SPIDR: variants seen among roughly 807,000 people sequenced by gnomAD.
SPIDR encodes DNA repair-scaffolding protein.
A neutral mutation model predicts 104.6 loss-of-function variants in SPIDR; 93 were observed. That is an observed-to-expected ratio of 0.89 (90% CI 0.75 to 1.06). SPIDR has a LOEUF of 1.06. Among genes scored for constraint, SPIDR ranks in the 50% least tolerant of loss-of-function variants. The pLI is 0.00. For missense variants in SPIDR, 1,154 were observed against 1,111.2 expected (o/e 1.04, Z -0.55); for synonymous variants, 431 against 416.9 (o/e 1.03, Z -0.41).
chr8:47,392,495 A>G (rs1178014238), intron 5 of SPIDR, among the ~76,000 whole-genome samples: 2 of 152,250 alleles, frequency 1.3e-5, no homozygotes, highest in Non-Finnish European at 2.9e-5. Flanking sequence ...CTAACATAGC[A>G]TGTGGGTAGT....
rs149515095 is a variant in SPIDR at position 47,496,171 on chromosome 8, A to G, written c.1097+55629A>G. ...TTTTACTTCTTGCTTTTCAATCAGGATGCCTTTATTTATTCCCCCCTTGCC... is the reference window on the plus strand; with the variant it reads ...TTTTACTTCTTGCTTTTCAATCAGGGTGCCTTTATTTATTCCCCCCTTGCC... On this transcript the variant is annotated intron_variant, in intron 8 of 19. Coordinates refer to ENST00000297423, the MANE Select transcript of SPIDR (RefSeq NM_001080394.4). Among the ~76,000 whole-genome samples, 9 of 152,216 alleles carry G rather than the reference A, an allele frequency of 5.9e-5. No homozygotes were observed. The East Asian group carries it at 1.7e-3, about 29-fold the overall frequency.
At chr8:47,572,845 A>G (rs2058692282) in intron 8 of SPIDR, among the ~76,000 whole-genome samples, 1 of 152,138 alleles carries the variant, frequency 6.6e-6, no homozygotes, top group South Asian at 2.1e-4. Flanking sequence ...CCACACATTG[A>G]CACAGCATCT....
At chr8:47,384,551 A>G (rs1299917071) in intron 5 of SPIDR, among the ~76,000 whole-genome samples, 4 of 152,208 alleles carry the variant, frequency 2.6e-5, no homozygotes, top group Admixed American at 2.0e-4. Context: ...CAAACATTTT[A>G]CAATTAGGAA....
chr8:47,396,473 A>G lies in SPIDR; in HGVS notation c.623A>G (p.Tyr208Cys). The G allele has an allele frequency of 6.2e-7, 1 of 1,614,144 alleles. No homozygotes were observed. Among genetic ancestry groups the G allele is most frequent in the Non-Finnish European group, 8.5e-7 (1 of 1,180,014 alleles). The change falls in exon 6 of 20, where the codon TAC (tyrosine) becomes TGC (cysteine). Residue 208 changes from tyrosine (Y) to cysteine (C), a missense_variant. By Grantham distance (194) the Tyr-to-Cys change is radical. Coordinates refer to ENST00000297423, the MANE Select transcript of SPIDR (RefSeq NM_001080394.4). ...LLIDSESPHK[Y>C]HVQFASDARQ... ...ATTGATTCAGAATCCCCTCACAAATACCACGTGCAGTTTGCATCGGATGCA... is the reference window on the plus strand; with the variant it reads ...ATTGATTCAGAATCCCCTCACAAATGCCACGTGCAGTTTGCATCGGATGCA...
chr8:47,306,869 A>G (rs1386656841), intron 5 of SPIDR, among the ~76,000 whole-genome samples: 1 of 151,994 alleles, frequency 6.6e-6, no homozygotes, highest in African/African-American at 2.4e-5. Context: ...ACCTTTTTTG[A>G]TTTAGACTGT....
At chr8:47,606,718 A>G (rs2154428997) in intron 10 of SPIDR, among the ~76,000 whole-genome samples, 1 of 152,204 alleles carries the variant, frequency 6.6e-6, no homozygotes, top group East Asian at 1.9e-4. Context: ...TCCTTTTGAA[A>G]AGCTGGTCAG....
At chr8:47,354,649 A>AT (rs1259355199) in intron 5 of SPIDR, among the ~76,000 whole-genome samples, 7 of 150,702 alleles carry the variant, frequency 4.6e-5, no homozygotes, top group African/African-American at 1.5e-4. Context: ...TAAATTTTTT[A>AT]TTTTTTTTTA....
intron 8 of SPIDR, among the ~76,000 whole-genome samples, chr8:47,489,705 A>G (rs2078334383): frequency 6.6e-6 from 1 of 152,214 alleles, no homozygotes. Flanking sequence ...CCACACATCT[A>G]CAACCATCTG....
Position 47,682,271 on chromosome 8 carries a change from AAAAAC to A in SPIDR, c.1685+8331_1685+8335del, listed in dbSNP as rs1414959822. On this transcript the variant is annotated intron_variant, in intron 11 of 19. Coordinates refer to ENST00000297423, the MANE Select transcript of SPIDR (RefSeq NM_001080394.4). ...GCTAAGTCCAAAAAAAAAAAAAAAAAAAAACCCAGACACAAAAGGTCTCATGCCTT... is the reference window on the plus strand; with the variant it reads ...GCTAAGTCCAAAAAAAAAAAAAAAAACCAGACACAAAAGGTCTCATGCCTT... 1.4e-3 allele frequency among the ~76,000 whole-genome samples: 217 copies of A among 150,992 alleles called. 1 individual carries two copies. The highest frequency in any genetic ancestry group is 5.0e-3 in the African/African-American group (206 of 41,308).
chr8:47,574,828 A>T (rs902900119), intron 8 of SPIDR, among the ~76,000 whole-genome samples: 1 of 152,012 alleles, frequency 6.6e-6, no homozygotes, highest in East Asian at 1.9e-4. Flanking sequence ...TATCAAGGCA[A>T]TCTGTATTAT....
chr8:47,393,529 C>T (rs1395162584), intron 5 of SPIDR, among the ~76,000 whole-genome samples: 1 of 152,108 alleles, frequency 6.6e-6, no homozygotes, highest in Admixed American at 6.6e-5. Flanking sequence ...CTTTCTTCTC[C>T]CTGGAATGTC....
intron 10 of SPIDR, among the ~76,000 whole-genome samples, chr8:47,604,814 CGAA>C (rs1410828010): frequency 4.6e-5 from 7 of 152,274 alleles, no homozygotes; most frequent in South Asian, 2.1e-4. Context: ...TATGAGACAT[CGAA>C]GAAGAGATGT....
intron 17 of SPIDR, among the ~76,000 whole-genome samples, chr8:47,728,000 C>T (rs2084555506): frequency 6.6e-6 from 1 of 152,068 alleles, no homozygotes; most frequent in African/African-American, 2.4e-5. Context: ...GCCTGTAATC[C>T]CAGCTGCTTG....
At chr8:47,690,371 A>G (rs995378507) in intron 11 of SPIDR, among the ~76,000 whole-genome samples, 3 of 151,872 alleles carry the variant, frequency 2.0e-5, no homozygotes, top group Non-Finnish European at 4.4e-5. Flanking sequence ...TTACAAAGTT[A>G]CTAAATTATA....
At chr8:47,611,642 G>A (rs2154431175) in intron 10 of SPIDR, among the ~76,000 whole-genome samples, 1 of 152,004 alleles carries the variant, frequency 6.6e-6, no homozygotes, top group Admixed American at 6.6e-5. Flanking sequence ...AGCTTGCAGT[G>A]AGCCCAGATC....
At chr8:47,283,940 A>T (rs2038310124) in intron 2 of SPIDR, 88 bp from the exon 3 acceptor site, 7 of 928,940 alleles carry the variant, frequency 7.5e-6, no homozygotes, top group Non-Finnish European at 1.2e-5. Flanking sequence ...TATGTTAAGG[A>T]GAGTGTAGTT....
intron 5 of SPIDR, among the ~76,000 whole-genome samples, chr8:47,317,668 C>A (rs962311034): frequency 6.6e-6 from 1 of 152,058 alleles, no homozygotes. Context: ...CCCTGACCCC[C>A]CCGAGTAGCT....
chr8:47,516,424 A>G (rs1476131577), intron 8 of SPIDR, among the ~76,000 whole-genome samples: 1 of 152,078 alleles, frequency 6.6e-6, no homozygotes, highest in Non-Finnish European at 1.5e-5. Flanking sequence ...GTGCCTACTA[A>G]ACACTAACTC....
intron 7 of SPIDR, among the ~76,000 whole-genome samples, chr8:47,420,057 G>A (rs541661852): frequency 1.7e-4 from 26 of 152,284 alleles, no homozygotes; most frequent in African/African-American, 6.0e-4. Context: ...TTTTGGAATA[G>A]GTGTGGTGTG....
Sources: gnomAD v4.1 joint callset for allele counts (sites outside exome capture counted in the v4.1 genomes callset) on GRCh38, gnomAD v4.1.1 for gene constraint, MANE v1.5 for transcripts, NCBI Gene and HGNC (gene_info 2026-07-23, HGNC 2026-07-21) for gene names.